Variants in RNF130 observed in about 807,000 individuals in gnomAD.
RNF130 encodes the protein E3 ubiquitin-protein ligase RNF130.
RNF130 carries 21 observed loss-of-function variants against 44.6 expected under a neutral mutation model. The ratio of observed to expected loss-of-function variants is 0.47; its 90% CI spans 0.33 to 0.68. The LOEUF is 0.68. Among genes scored for constraint, RNF130 ranks in the 30% least tolerant of loss-of-function variants. RNF130 has a pLI of 0.02. For missense variants in RNF130, 479 were observed against 560.6 expected, an observed-to-expected ratio of 0.85 and a Z score of 1.47; for synonymous variants, 214 against 210.4, an observed-to-expected ratio of 1.02 and a Z score of -0.15.
intron 5 of RNF130, 44 bp downstream of exon 5, chr5:179,978,159 G>A: frequency 8.0e-6 from 12 of 1,501,492 alleles, no homozygotes; most frequent in Non-Finnish European, 1.1e-5. Context: ...GGCATACAAA[G>A]CACATTAATA....
chr5:179,931,844 G>GT (rs1302535919), intron 7 of RNF130, among the ~76,000 whole-genome samples: 3 of 152,080 alleles, frequency 2.0e-5, no homozygotes, highest in African/African-American at 7.2e-5. Context: ...CAGCACCCCC[G>GT]TGACTGTAGA....
At chr5:179,963,414 C>T (rs1762375292) in intron 8 of RNF130, 57 bp downstream of exon 8, 1 of 1,353,880 alleles carries the variant, frequency 7.4e-7, no homozygotes. Flanking sequence ...AAAACTGCTC[C>T]ATGTGTTTTC....
chr5:179,992,569 T>C (rs1204435661), intron 3 of RNF130, among the ~76,000 whole-genome samples: 8 of 152,338 alleles, frequency 5.3e-5, no homozygotes, highest in South Asian at 2.1e-4. Context: ...TAAGGATCCA[T>C]TGTTGGAGAA....
chr5:179,947,939 T>C (rs914024410), intron 7 of RNF130, among the ~76,000 whole-genome samples: 1 of 152,156 alleles, frequency 6.6e-6, no homozygotes, highest in African/African-American at 2.4e-5. Flanking sequence ...AGCCCTCAAA[T>C]AGCTACCTCC....
chr5:179,939,862 T>G (rs1043634661), intron 7 of RNF130: 1 of 369,940 alleles, frequency 2.7e-6, no homozygotes, highest in African/African-American at 2.2e-5. Flanking sequence ...AGACATCATC[T>G]GAGTTATGGA....
intron 2 of RNF130, among the ~76,000 whole-genome samples, chr5:180,013,777 T>A (rs1474548178): frequency 9.9e-5 from 15 of 152,226 alleles, no homozygotes; most frequent in Admixed American, 6.5e-4. Flanking sequence ...AATTGGTACT[T>A]CTTGCACTAA....
At chr5:180,053,065 A>G (rs1431907635) in intron 1 of RNF130, among the ~76,000 whole-genome samples, 1 of 152,186 alleles carries the variant, frequency 6.6e-6, no homozygotes, top group Non-Finnish European at 1.5e-5. Flanking sequence ...AGCACTCAAG[A>G]ACACCTCTGA....
At chr5:180,032,954 T>TG (rs1764164273) in intron 2 of RNF130, among the ~76,000 whole-genome samples, 1 of 152,114 alleles carries the variant, frequency 6.6e-6, no homozygotes, top group Admixed American at 6.6e-5. Flanking sequence ...TCAAAGGATA[T>TG]GAAAGGTCTC....
chr5:179,948,014 T>G (rs556908845), intron 7 of RNF130, among the ~76,000 whole-genome samples: 2 of 152,164 alleles, frequency 1.3e-5, no homozygotes, highest in Admixed American at 6.5e-5. Flanking sequence ...GTGCACATAG[T>G]AGGTCCTGGT....
chr5:180,063,575 G>T (rs184180543), intron 1 of RNF130, among the ~76,000 whole-genome samples: 2 of 152,182 alleles, frequency 1.3e-5, no homozygotes, highest in Admixed American at 1.3e-4. Flanking sequence ...ACCTAGAGAG[G>T]CCTAGGCTAA....
chr5:180,016,675 T>C (rs1763743592), intron 2 of RNF130, among the ~76,000 whole-genome samples: 1 of 152,244 alleles, frequency 6.6e-6, no homozygotes, highest in Non-Finnish European at 1.5e-5. Context: ...TCCACACTGC[T>C]TGAGTCTGGC....
intron 6 of RNF130, 64 bp downstream of exon 6, chr5:179,970,346 A>G (rs1410746807): frequency 6.6e-6 from 8 of 1,211,858 alleles, no homozygotes; most frequent in South Asian, 1.4e-5. Flanking sequence ...CAATTATGTT[A>G]TATTGTATTA....
chr5:180,032,033 C>T (rs1476376952), intron 2 of RNF130, among the ~76,000 whole-genome samples: 1 of 152,102 alleles, frequency 6.6e-6, no homozygotes, highest in Non-Finnish European at 1.5e-5. Flanking sequence ...ATTATTAAAC[C>T]TTTTGCCCGT....
Position 180,071,571 on chromosome 5 carries a change from C to G in RNF130, c.132G>C (p.Gln44His). 1 of 1,482,034 alleles carries G rather than the reference C, an allele frequency of 6.7e-7. No individual in the cohort carries two copies. The highest frequency in any genetic ancestry group is 9.0e-7 in the Non-Finnish European group (1 of 1,112,380). The allele number at this position is 1,482,034 out of a possible 1,614,324, so 91.8% of individuals were successfully genotyped here. ...YYTALINVTV[Q>H]EPGRGAPLTF... ...TGAGCGGGGCGCCGCGGCCGGGCTC[C>G]TGCACCGTCACGTTGATGAGCGCCG... The change falls in exon 1 of 9, where the codon CAG becomes CAC. Residue 44 changes from glutamine to histidine, a missense_variant. By Grantham distance (24) the Gln-to-His change is conservative (BLOSUM62 0). Around this residue, in one of 3 missense-constraint regions of RNF130, gnomAD observed 138 missense variants for 126.9 expected, o/e 1.09. Coordinates refer to ENST00000521389, the MANE Select transcript of RNF130 (RefSeq NM_018434.6).
At chr5:179,916,975 A>C (rs901749377) in exon 8 of RNF130, 1 of 152,398 alleles carries the variant, frequency 6.6e-6, no homozygotes, top group Non-Finnish European at 1.5e-5. Flanking sequence ...GCGGATCACG[A>C]GGTCAGGAGA....
intron 3 of RNF130, among the ~76,000 whole-genome samples, chr5:180,007,482 G>T (rs1582182837): frequency 1.3e-5 from 2 of 152,236 alleles, no homozygotes; most frequent in East Asian, 1.9e-4. Flanking sequence ...CTAATATTAT[G>T]GCTTCTCTTT....
chr5:179,945,286 C>G (rs762321279), intron 7 of RNF130, among the ~76,000 whole-genome samples: 1 of 152,084 alleles, frequency 6.6e-6, no homozygotes, highest in Admixed American at 6.5e-5. Context: ...GCTGACTGCA[C>G]CTGGGAAAAC....
chr5:180,032,499 A>G (rs1289680979), intron 2 of RNF130, among the ~76,000 whole-genome samples: 1 of 152,008 alleles, frequency 6.6e-6, no homozygotes, highest in African/African-American at 2.4e-5. Flanking sequence ...AGCCTCCCAA[A>G]GTGCTGTAAT....
At chr5:180,062,924 G>A (rs956425460) in intron 1 of RNF130, among the ~76,000 whole-genome samples, 1 of 152,188 alleles carries the variant, frequency 6.6e-6, no homozygotes, top group Non-Finnish European at 1.5e-5. Context: ...AAACACTGTG[G>A]GATGCCAACC....
Sources: gnomAD v4.1 joint callset for allele counts (sites outside exome capture counted in the v4.1 genomes callset) on GRCh38, gnomAD v4.1.1 for gene constraint, gnomAD v4.1.1 regional missense constraint, MANE v1.5 for transcripts, NCBI Gene and HGNC (gene_info 2026-07-23, HGNC 2026-07-21) for gene names.